Variants in NPTN observed in about 807,000 individuals in gnomAD.
The protein encoded by NPTN is neuroplastin, also known as SDR-1.
In NPTN, 5 loss-of-function variants were observed where a neutral mutation model predicts 42.7. The observed-to-expected ratio is 0.12, with a 90% CI of 0.06 to 0.25. NPTN has a LOEUF of 0.25. Ranked by LOEUF, NPTN falls within the 10% of genes least tolerant of loss-of-function variation. The pLI, the probability that NPTN is intolerant of heterozygous loss-of-function variation, is 1.00. For missense variants in NPTN, 307 were observed against 525.4 expected (o/e 0.58, Z 4.06); for synonymous variants, 180 against 201.9 (o/e 0.89, Z 0.92).
intron 5 of NPTN, among the ~76,000 whole-genome samples, chr15:73,573,099 T>G (rs1184271765): frequency 7.9e-5 from 12 of 152,182 alleles, no homozygotes; most frequent in Non-Finnish European, 1.3e-4. Flanking sequence ...AAACAGCAAC[T>G]GCAGTCTAAA....
At position 73,560,121 on chromosome 15, in the gene NPTN, C is replaced by T. The variant is rs768246402; in HGVS notation, c.*942G>A. 2.0e-5 allele frequency: 9 copies of T among 453,668 alleles called. No homozygotes were observed. Among genetic ancestry groups the T allele is most frequent in the South Asian group, 1.4e-4 (4 of 29,350 alleles). 28.1% of individuals were successfully genotyped at this position (453,668 alleles called of 1,614,324 possible). On this transcript the variant is annotated 3_prime_UTR_variant, in exon 9 of 9. Transcript: ENST00000345330. The stretch of plus-strand genomic sequence containing the variant: ...ACACAAGTACATGCATCTACAATTA[C>T]GCACCGCATGAGAACCGTTAGGTTA...
At chr15:73,578,284 C>T (rs1595908652) in intron 4 of NPTN, among the ~76,000 whole-genome samples, 1 of 151,974 alleles carries the variant, frequency 6.6e-6, no homozygotes, top group South Asian at 2.1e-4. Context: ...CCCGTGGCTA[C>T]TATGTGAACA....
At chr15:73,586,909 ATAACT>A (rs1170359905) in intron 4 of NPTN, among the ~76,000 whole-genome samples, 1 of 152,248 alleles carries the variant, frequency 6.6e-6, no homozygotes, top group Non-Finnish European at 1.5e-5. Context: ...CTTCTTTGAA[ATAACT>A]TAGGAAAGCT....
intron 1 of NPTN, among the ~76,000 whole-genome samples, chr15:73,603,019 C>G (rs1337061800): frequency 1.3e-5 from 2 of 152,208 alleles, no homozygotes; most frequent in Admixed American, 6.5e-5. Context: ...AGAGAAACTA[C>G]ATAGTTTAGT....
At chr15:73,621,199 G>T (rs1051975377) in intron 1 of NPTN, among the ~76,000 whole-genome samples, 3 of 151,898 alleles carry the variant, frequency 2.0e-5, no homozygotes, top group African/African-American at 4.8e-5. Flanking sequence ...TGAAGTGAGA[G>T]CAGTGAGCAC....
At chr15:73,602,397 C>T (rs1468209956) in intron 1 of NPTN, among the ~76,000 whole-genome samples, 1 of 152,178 alleles carries the variant, frequency 6.6e-6, no homozygotes. Context: ...AAGAGCGTTT[C>T]TCTCCTCTGT....
intron 1 of NPTN, among the ~76,000 whole-genome samples, chr15:73,612,665 G>A (rs1897651326): frequency 6.6e-6 from 1 of 152,158 alleles, no homozygotes; most frequent in African/African-American, 2.4e-5. Context: ...AGCTACGTGG[G>A]AGGCTGAGGC....
chr15:73,620,897 C>G (rs8028089), intron 1 of NPTN, among the ~76,000 whole-genome samples: 85,504 of 152,044 alleles, frequency 0.56, 24,233 homozygotes, highest in African/African-American at 0.62. Flanking sequence ...GTCTTTCTGT[C>G]CAGCCATCTC....
intron 1 of NPTN, among the ~76,000 whole-genome samples, chr15:73,628,801 G>C (rs775351510): frequency 6.6e-5 from 10 of 151,740 alleles, no homozygotes; most frequent in Non-Finnish European, 1.2e-4. Context: ...TTAAAATAAA[G>C]ATAATATAAT....
intron 2 of NPTN, among the ~76,000 whole-genome samples, chr15:73,596,453 A>G (rs941171030): frequency 6.6e-6 from 1 of 152,236 alleles, no homozygotes; most frequent in Non-Finnish European, 1.5e-5. Flanking sequence ...TTAAAGGAAG[A>G]GGCTGGGCAG....
Position 73,569,285 on chromosome 15 carries a change from T to C in NPTN, c.1114+865A>G. The C allele has an allele frequency of 1.0e-6, 1 of 985,572 alleles. No homozygotes were observed. The highest frequency in any genetic ancestry group is 1.2e-6 in the Non-Finnish European group (1 of 830,034). 61.1% of individuals were successfully genotyped at this position (985,572 alleles called of 1,614,324 possible). A position where few individuals can be genotyped will look rare whatever the true frequency, so the allele number is the denominator to read the frequency against. Reference sequence around the variant, plus strand: ...CAAGTCTCCATCAGCAGCTTCCCCCTTCACAGGAAAAATCGATCACCAAAA... The same window carrying C: ...CAAGTCTCCATCAGCAGCTTCCCCCCTCACAGGAAAAATCGATCACCAAAA... On this transcript the variant is annotated intron_variant, in intron 6 of 8. Transcript: ENST00000345330. This position sits in a 1 kb window ranked among gnomAD's most constrained non-coding sequence, Gnocchi z 4.1.
intron 1 of NPTN, among the ~76,000 whole-genome samples, chr15:73,598,665 C>T (rs1402268040): frequency 6.6e-6 from 1 of 152,134 alleles, no homozygotes; most frequent in African/African-American, 2.4e-5. Context: ...GGCTTGGAAA[C>T]GTCCCCTGGG....
At chr15:73,587,765 C>T in intron 3 of NPTN, 147 bp from the exon 4 acceptor site, 1 of 623,404 alleles carries the variant, frequency 1.6e-6, no homozygotes, top group South Asian at 1.9e-5. Context: ...AAAAATTCCT[C>T]TCTGTGCATC....
intron 5 of NPTN, among the ~76,000 whole-genome samples, chr15:73,571,861 G>A (rs1033483494): frequency 6.6e-6 from 1 of 152,202 alleles, no homozygotes; most frequent in Non-Finnish European, 1.5e-5. Flanking sequence ...TGGGGAACTC[G>A]TAAGCTTTTA....
chr15:73,616,046 T>A (rs776479866), intron 1 of NPTN, among the ~76,000 whole-genome samples: 7 of 152,180 alleles, frequency 4.6e-5, no homozygotes, highest in African/African-American at 9.7e-5. Context: ...CCATTTTGCA[T>A]AGGGTAATTA....
chr15:73,616,726 T>C (rs1192247665), intron 1 of NPTN, among the ~76,000 whole-genome samples: 1 of 152,084 alleles, frequency 6.6e-6, no homozygotes, highest in Non-Finnish European at 1.5e-5. Context: ...AGGTAGAGAG[T>C]CAGGTTATAC....
At chr15:73,626,043 C>T (rs555481595) in intron 1 of NPTN, among the ~76,000 whole-genome samples, 9 of 152,256 alleles carry the variant, frequency 5.9e-5, no homozygotes, top group East Asian at 1.9e-4. Flanking sequence ...CTATAATGGA[C>T]GGATTTCCAG....
Position 73,633,116 on chromosome 15 carries a change from C to G in NPTN, c.91+9G>C. The G allele has an allele frequency of 6.8e-7, 1 of 1,468,584 alleles. No homozygotes were observed. Among genetic ancestry groups the G allele is most frequent in the South Asian group, 1.4e-5 (1 of 70,842 alleles). 91.0% of individuals were successfully genotyped at this position (1,468,584 alleles called of 1,614,324 possible). On this transcript the variant is annotated intron_variant, in intron 1 of 8. Coordinates refer to ENST00000345330, the MANE Select transcript of NPTN (RefSeq NM_012428.4). ...CCCCCGCCCGGCCCGCCCCCGGCGCCCCGCTTACCGTTCTGAGCGGCGCCT... is the reference window on the plus strand; with the variant it reads ...CCCCCGCCCGGCCCGCCCCCGGCGCGCCGCTTACCGTTCTGAGCGGCGCCT...
intron 6 of NPTN, among the ~76,000 whole-genome samples, chr15:73,566,643 G>A (rs1289813784): frequency 1.3e-5 from 2 of 152,190 alleles, no homozygotes; most frequent in Non-Finnish European, 2.9e-5. Flanking sequence ...AGTGCAGTCC[G>A]CAGGACACCA....
Sources: gnomAD v4.1 joint callset for allele counts (sites outside exome capture counted in the v4.1 genomes callset) on GRCh38, gnomAD v4.1.1 for gene constraint, Gnocchi (gnomAD v3.1) non-coding constraint, MANE v1.5 for transcripts, NCBI Gene and HGNC (gene_info 2026-07-23, HGNC 2026-07-21) for gene names.